Variants in GRIK4 observed in about 807,000 individuals in gnomAD.
The protein encoded by GRIK4 is glutamate ionotropic receptor kainate type subunit 4.
A neutral mutation model predicts 104.9 loss-of-function variants in GRIK4; 40 were observed. That is an observed-to-expected ratio of 0.38 (90% confidence interval 0.30 to 0.50). The LOEUF is 0.50. GRIK4 is among the 20% of genes least tolerant of loss of function. GRIK4 has a pLI of 0.93. For synonymous variants in GRIK4, 485 were observed against 524.9 expected (o/e 0.92, Z 1.04); for missense variants, 1,047 against 1,308.1 (o/e 0.80, Z 3.08).
chr11:120,874,201 A>G lies in GRIK4; in HGVS notation c.1042A>G (p.Met348Val). The G allele has an allele frequency of 2.5e-6, 4 of 1,612,296 alleles. No individual in the cohort carries two copies. The highest frequency in any genetic ancestry group is 1.7e-5 in the Admixed American group (1 of 60,020). ...AQIWQHGTSLMNYLRMVELEG... is the reference protein window; with the variant it reads ...AQIWQHGTSLVNYLRMVELEG... ...GATCTGGCAGCACGGCACCAGCCTC[A>G]TGAACTACCTGCGCATGGTGAGGAG... Residue 348 changes from methionine (M) to valine (V), a missense_variant, in exon 10 of 21, where the codon ATG (methionine) becomes GTG (valine). This residue lies in a region of GRIK4 where 447 missense variants were observed against 514.9 expected (regional missense o/e 0.87). Coordinates refer to ENST00000527524, the MANE Select transcript of GRIK4 (RefSeq NM_014619.5).
chr11:120,545,167 C>T (rs1011399206), intron 1 of GRIK4, among the ~76,000 whole-genome samples: 1 of 152,158 alleles, frequency 6.6e-6, no homozygotes, highest in Non-Finnish European at 1.5e-5. Context: ...ACTGTTCAGC[C>T]ACAGCTTTGA....
At chr11:120,695,035 A>C (rs539079432) in intron 3 of GRIK4, among the ~76,000 whole-genome samples, 1 of 152,306 alleles carries the variant, frequency 6.6e-6, no homozygotes, top group South Asian at 2.1e-4. Flanking sequence ...AGCCTCAGCC[A>C]GTCCTGCTGC....
chr11:120,814,910 G>C (rs369424486), intron 4 of GRIK4, among the ~76,000 whole-genome samples: 77 of 152,226 alleles, frequency 5.1e-4, no homozygotes, highest in African/African-American at 1.8e-3. Context: ...TCCTGTCTGC[G>C]TCATCCTCGC....
intron 1 of GRIK4, among the ~76,000 whole-genome samples, chr11:120,614,502 G>A (rs1214110742): frequency 6.6e-6 from 1 of 152,162 alleles, no homozygotes; most frequent in Non-Finnish European, 1.5e-5. Flanking sequence ...GGATCAGCGA[G>A]TGTGAGAGAA....
intron 1 of GRIK4, among the ~76,000 whole-genome samples, chr11:120,528,902 TG>T (rs1193669620): frequency 6.6e-6 from 1 of 152,102 alleles, no homozygotes; most frequent in African/African-American, 2.4e-5. Flanking sequence ...GAGATTTGGG[TG>T]GGGGCACAGC....
chr11:120,857,501 T>C (rs999954867), intron 8 of GRIK4, among the ~76,000 whole-genome samples: 1 of 26,390 alleles, frequency 3.8e-5, no homozygotes, highest in African/African-American at 1.5e-4. Flanking sequence ...TATGCACACA[T>C]GCACACACAC....
intron 19 of GRIK4, among the ~76,000 whole-genome samples, chr11:120,972,733 G>A (rs993994228): frequency 2.0e-5 from 3 of 152,122 alleles, no homozygotes; most frequent in African/African-American, 7.2e-5. Flanking sequence ...CTTGTGCAGG[G>A]GCTGTGGGTG....
intron 3 of GRIK4, among the ~76,000 whole-genome samples, chr11:120,795,363 G>A (rs762795833): frequency 4.6e-5 from 7 of 152,140 alleles, no homozygotes; most frequent in Non-Finnish European, 1.5e-5. Flanking sequence ...CCAGCCCCGG[G>A]GGACCCTGGA....
intron 13 of GRIK4, among the ~76,000 whole-genome samples, chr11:120,914,176 A>G (rs1208138750): frequency 1.0e-5 from 1 of 99,962 alleles, no homozygotes; most frequent in African/African-American, 3.1e-5. Flanking sequence ...CTTGGATATG[A>G]GGAATTGCCT....
At chr11:120,586,990 C>T (rs1008715823) in intron 1 of GRIK4, among the ~76,000 whole-genome samples, 2 of 152,206 alleles carry the variant, frequency 1.3e-5, no homozygotes, top group African/African-American at 4.8e-5. Flanking sequence ...TGTTTCTTCG[C>T]TCTGTCTGAA....
chr11:120,637,598 G>A (rs1949415046), intron 1 of GRIK4, among the ~76,000 whole-genome samples: 1 of 152,178 alleles, frequency 6.6e-6, no homozygotes, highest in African/African-American at 2.4e-5. Context: ...CATGTGGGGT[G>A]CAGTTGCTGT....
rs114013205 is a variant in GRIK4, at chr11:120,720,095, G to C, written c.82+59695G>C. On this transcript the variant is annotated intron_variant, in intron 3 of 20. Coordinates refer to ENST00000527524, the MANE Select transcript of GRIK4 (RefSeq NM_014619.5). Reference sequence around the variant, plus strand: ...AGCAAACTACACCTGGGATTGGGGAGCACTGCCCTGCCTTATACCTAGAAT... The same window carrying C: ...AGCAAACTACACCTGGGATTGGGGACCACTGCCCTGCCTTATACCTAGAAT... Among the ~76,000 whole-genome samples the C allele has an allele frequency of 1.1e-3, 170 of 152,252 alleles. 1 individual carries two copies. Among genetic ancestry groups the C allele is most frequent in the African/African-American group, 3.9e-3 (163 of 41,548 alleles).
intron 3 of GRIK4, among the ~76,000 whole-genome samples, chr11:120,701,137 C>T (rs976206068): frequency 2.0e-5 from 3 of 152,108 alleles, no homozygotes; most frequent in Non-Finnish European, 4.4e-5. Flanking sequence ...TTTCTCAGAC[C>T]GTATCCCATT....
chr11:120,533,794 T>C (rs980995897), intron 1 of GRIK4, among the ~76,000 whole-genome samples: 11 of 152,134 alleles, frequency 7.2e-5, no homozygotes, highest in Admixed American at 1.3e-4. Context: ...AGAGAATTGC[T>C]TGAATCCAGG....
chr11:120,807,829 C>T (rs1026925583), intron 4 of GRIK4, among the ~76,000 whole-genome samples: 65 of 152,116 alleles, frequency 4.3e-4, no homozygotes, highest in Admixed American at 3.5e-3. Context: ...CTTCCTTTTA[C>T]GGATGGGGAA....
At chr11:120,612,220 A>G (rs1021784232) in intron 1 of GRIK4, among the ~76,000 whole-genome samples, 1 of 152,190 alleles carries the variant, frequency 6.6e-6, no homozygotes, top group Non-Finnish European at 1.5e-5. Flanking sequence ...GTGAACCACC[A>G]TGGGTCCATC....
intron 1 of GRIK4, among the ~76,000 whole-genome samples, chr11:120,632,551 T>C (rs1248493085): frequency 1.3e-5 from 2 of 152,062 alleles, no homozygotes; most frequent in East Asian, 1.9e-4. Flanking sequence ...GCTCCAGGTA[T>C]GAGATATAGA....
chr11:120,783,525 A>G (rs1411298481), intron 3 of GRIK4, among the ~76,000 whole-genome samples: 1 of 151,542 alleles, frequency 6.6e-6, no homozygotes, highest in African/African-American at 2.4e-5. Context: ...GCCCATTATG[A>G]ATATTTGAAG....
chr11:120,805,156 G>C (rs117756385), intron 4 of GRIK4, among the ~76,000 whole-genome samples: 31 of 152,298 alleles, frequency 2.0e-4, no homozygotes, highest in Non-Finnish European at 3.5e-4. Flanking sequence ...CCAGTATCTT[G>C]CAAATGAAAT....
Sources: gnomAD v4.1 joint callset for allele counts (sites outside exome capture counted in the v4.1 genomes callset) on GRCh38, gnomAD v4.1.1 for gene constraint, gnomAD v4.1.1 regional missense constraint, MANE v1.5 for transcripts, NCBI Gene and HGNC (gene_info 2026-07-23, HGNC 2026-07-21) for gene names.